Variants in ZNF563 observed in about 807,000 individuals in gnomAD.
The protein encoded by ZNF563 is zinc finger protein 563.
A neutral mutation model predicts 48.5 loss-of-function variants in ZNF563; 39 were observed. That is an observed-to-expected ratio of 0.80 (90% CI 0.62 to 1.05). The LOEUF is 1.05. Among genes scored for constraint, ZNF563 ranks in the 50% least tolerant of loss-of-function variants. ZNF563 has a pLI of 0.00. For synonymous variants in ZNF563, 168 were observed against 187.9 expected (o/e 0.89, Z 0.87); for missense variants, 538 against 597.0 (o/e 0.90, Z 1.03).
At chr19:12,320,033 C>T (rs1333982478) in intron 3 of ZNF563, among the ~76,000 whole-genome samples, 200 bp from the exon 4 acceptor site, 1 of 151,938 alleles carries the variant, frequency 6.6e-6, no homozygotes, top group African/African-American at 2.4e-5. Flanking sequence ...TCTCCTGCCT[C>T]AGCCTCCCAA....
rs1024245340 is a variant in ZNF563 at position 12,333,488 on chromosome 19, G to A, written c.-6C>T. 3.7e-6 allele frequency: 6 copies of A among 1,612,996 alleles called. No individual in the cohort carries two copies. The highest frequency in any genetic ancestry group is 5.1e-6 in the Non-Finnish European group (6 of 1,179,556). ...TGACCCTGCACACGCACCATTTCCCGGCTTCCGGGATGTTCCAGGGTCCTC... is the reference window on the plus strand; with the variant it reads ...TGACCCTGCACACGCACCATTTCCCAGCTTCCGGGATGTTCCAGGGTCCTC... On this transcript the variant is annotated 5_prime_UTR_variant, in exon 1 of 4. Coordinates refer to ENST00000293725, the MANE Select transcript of ZNF563 (RefSeq NM_145276.3).
At position 12,317,789 on chromosome 19, in the gene ZNF563, G is replaced by C. The variant is rs1968473478; in HGVS notation, c.*805C>G. The C allele has an allele frequency of 6.5e-6, 1 of 153,358 alleles. No individual in the cohort carries two copies. Among genetic ancestry groups the C allele is most frequent in the African/African-American group, 2.4e-5 (1 of 41,438 alleles). 9.5% of individuals were successfully genotyped at this position (153,358 alleles called of 1,614,324 possible). A position where few individuals can be genotyped will look rare whatever the true frequency, so the allele number is the denominator to read the frequency against. On this transcript the variant is annotated 3_prime_UTR_variant, in exon 4 of 4. Transcript: ENST00000293725. ...AAAGAAACTGAGGCTTAAAATTAAG[G>C]CTTTACTATGTGTTTACATTCATAG... is the stretch of plus-strand genomic sequence containing the variant.
chr19:12,338,680 C>A (rs1969043740), upstream of ZNF563, among the ~76,000 whole-genome samples: 1 of 151,932 alleles, frequency 6.6e-6, no homozygotes, highest in South Asian at 2.1e-4. Flanking sequence ...ATGGAGAAAC[C>A]CTGTCTCTAT....
intron 1 of ZNF563, among the ~76,000 whole-genome samples, chr19:12,327,548 A>G (rs2145813657): frequency 6.6e-6 from 1 of 152,176 alleles, no homozygotes; most frequent in East Asian, 1.9e-4. Context: ...TAATATACAT[A>G]TACATATTAA....
At position 12,318,574 on chromosome 19, in the gene ZNF563, G is replaced by A. The variant is rs1351066028; in HGVS notation, c.*20C>T. ...ATCAAAGGGAACTGGAAATATAGAA[G>A]GCTTTATAATAGTTTACATTCATAT... On this transcript the variant is annotated 3_prime_UTR_variant, in exon 4 of 4. Coordinates refer to ENST00000293725, the MANE Select transcript of ZNF563 (RefSeq NM_145276.3). 3 of 1,592,404 alleles carry A rather than the reference G, an allele frequency of 1.9e-6. No homozygotes were observed. Among genetic ancestry groups the A allele is most frequent in the South Asian group, 2.3e-5 (2 of 87,842 alleles).
Position 12,319,158 on chromosome 19 carries a change from G to T in ZNF563, c.867C>A (p.Ala289=). The T allele has an allele frequency of 6.2e-7, 1 of 1,613,922 alleles. No individual in the cohort carries two copies. The highest frequency in any genetic ancestry group is 8.5e-7 in the Non-Finnish European group (1 of 1,179,986). ...KPYTCKQCGK[A]FSVSSSLRRH... The stretch of plus-strand genomic sequence containing the variant: ...TTCGAAGGGAACTGGAAACACTGAA[G>T]GCTTTCCCACACTGTTTACATGTAT... The change falls in exon 4 of 4, where the codon GCC becomes GCA. Residue 289 remains alanine (A), a synonymous_variant. Coordinates refer to ENST00000293725, the MANE Select transcript of ZNF563 (RefSeq NM_145276.3).
At chr19:12,332,444 G>A (rs561080447) in intron 1 of ZNF563, among the ~76,000 whole-genome samples, 1 of 150,414 alleles carries the variant, frequency 6.6e-6, no homozygotes, top group South Asian at 2.1e-4. Context: ...TCCGCCTCAT[G>A]GGTTCAAGCG....
intron 2 of ZNF563, among the ~76,000 whole-genome samples, chr19:12,321,831 C>A (rs1187611530): frequency 1.3e-5 from 2 of 152,130 alleles, no homozygotes; most frequent in African/African-American, 4.8e-5. Flanking sequence ...ACCCCTAAGA[C>A]ACCAAGATCA....
intron 1 of ZNF563, among the ~76,000 whole-genome samples, chr19:12,323,824 G>A (rs922052319): frequency 3.3e-5 from 5 of 152,120 alleles, no homozygotes; most frequent in African/African-American, 7.2e-5. Flanking sequence ...TATACTAACA[G>A]AAAATCTGGA....
At position 12,319,440 on chromosome 19, in the gene ZNF563, T is replaced by C; in HGVS notation, c.585A>G (p.Arg195=). Residue 195 remains arginine (R), a synonymous_variant, in exon 4 of 4, where the codon AGA becomes AGG. Transcript: ENST00000293725. The part of the protein sequence containing the change: ...RRHMVVQGGN[R]PYKCKLCGKA... ...TCCCACACAACTTACATTTATAAGG[T>C]CTATTTCCACCTTGCACTACCATGT... is the stretch of plus-strand genomic sequence containing the variant. 1 of 1,614,226 alleles carries C rather than the reference T, an allele frequency of 6.2e-7. No individual in the cohort carries two copies. Among genetic ancestry groups the C allele is most frequent in the Non-Finnish European group, 8.5e-7 (1 of 1,180,042 alleles).
the ZNF563 span, among the ~76,000 whole-genome samples, chr19:12,345,000 A>G: frequency 5.9e-5 from 9 of 152,232 alleles, no homozygotes; most frequent in East Asian, 1.7e-3. Flanking sequence ...AGCATCAAAA[A>G]AAGTAAAACA....
At chr19:12,327,246 G>A (rs1477032361) in intron 1 of ZNF563, among the ~76,000 whole-genome samples, 2 of 152,086 alleles carry the variant, frequency 1.3e-5, no homozygotes, top group Non-Finnish European at 2.9e-5. Flanking sequence ...TGGATCACAA[G>A]GTCAGGAGTT....
intron 1 of ZNF563, among the ~76,000 whole-genome samples, chr19:12,332,717 T>G (rs1968953870): frequency 6.6e-6 from 1 of 152,086 alleles, no homozygotes; most frequent in Non-Finnish European, 1.5e-5. Context: ...CAAGTTAAGC[T>G]CCCTGCTGCC....
At chr19:12,320,160 C>A in intron 3 of ZNF563, among the ~76,000 whole-genome samples, 1 of 142,478 alleles carries the variant, frequency 7.0e-6, no homozygotes, top group African/African-American at 2.7e-5. Flanking sequence ...TCGTGATCCA[C>A]CCCCCCTTGG....
rs1483853539 is a variant in ZNF563 at position 12,319,772 on chromosome 19, T to TA, written c.252dup (p.Ser85Ter). The TA allele has an allele frequency of 6.2e-7, 1 of 1,614,084 alleles. No individual in the cohort carries two copies. The highest frequency in any genetic ancestry group is 2.2e-5 in the East Asian group (1 of 44,906). On this transcript the variant is annotated frameshift_variant, in exon 4 of 4. Coordinates refer to ENST00000293725, the MANE Select transcript of ZNF563 (RefSeq NM_145276.3). LOFTEE classifies it high-confidence loss of function. ...TTCACAATACTATCTCGAATGAGGC[T>TA]AAATGTTTCTCCACACTGACTACTG... is the stretch of plus-strand genomic sequence containing the variant.
chr19:12,330,828 T>A (rs1968901567), intron 1 of ZNF563, among the ~76,000 whole-genome samples: 1 of 152,226 alleles, frequency 6.6e-6, no homozygotes, highest in Non-Finnish European at 1.5e-5. Context: ...GTTCTCTACC[T>A]TTCTCATACC....
intron 2 of ZNF563, among the ~76,000 whole-genome samples, chr19:12,322,235 T>C (rs1968648552): frequency 6.6e-6 from 1 of 152,030 alleles, no homozygotes. Flanking sequence ...TTTGTATTTT[T>C]AGTAGAGATG....
chr19:12,323,445 A>T (rs112694395), intron 1 of ZNF563, among the ~76,000 whole-genome samples: 4 of 152,350 alleles, frequency 2.6e-5, no homozygotes, highest in African/African-American at 9.6e-5. Context: ...TTAATGAATA[A>T]ATAAGTTATC....
upstream of ZNF563, among the ~76,000 whole-genome samples, chr19:12,337,488 C>A (rs918863578): frequency 2.0e-5 from 3 of 152,206 alleles, no homozygotes; most frequent in Admixed American, 1.3e-4. Flanking sequence ...CAGGTGTGAG[C>A]CACGCTGTCT....
Sources: gnomAD v4.1 joint callset for allele counts (sites outside exome capture counted in the v4.1 genomes callset) on GRCh38, gnomAD v4.1.1 for gene constraint, MANE v1.5 for transcripts, NCBI Gene and HGNC (gene_info 2026-07-23, HGNC 2026-07-21) for gene names.